Variants in COG7 observed in about 807,000 individuals in gnomAD.
COG7 encodes the protein conserved oligomeric Golgi complex subunit 7.
COG7 carries 49 observed loss-of-function variants against 91.5 expected under a neutral mutation model. The ratio of observed to expected loss-of-function variants is 0.54; its 90% confidence interval spans 0.43 to 0.68. The LOEUF (loss-of-function observed/expected upper bound fraction) is 0.68. COG7 is among the 30% of genes least tolerant of loss of function. The probability of loss-of-function intolerance (pLI) is 0.00; values close to 1 mark genes in which losing one functional copy is unlikely to be tolerated. For missense variants in COG7, 895 were observed against 961.3 expected (o/e 0.93, Z 0.91); for synonymous variants, 365 against 388.7 (o/e 0.94, Z 0.72).
chr16:23,429,641 G>A (rs571903820), intron 6 of COG7, among the ~76,000 whole-genome samples: 4 of 152,202 alleles, frequency 2.6e-5, no homozygotes, highest in African/African-American at 7.2e-5. Context: ...GTGTGTGCCC[G>A]TAATCCCAGC....
intron 4 of COG7, among the ~76,000 whole-genome samples, chr16:23,435,195 C>T (rs1325746695): frequency 4.6e-5 from 7 of 152,148 alleles, no homozygotes; most frequent in African/African-American, 9.7e-5. Context: ...AAAACCCCAT[C>T]TCTACTAAAA....
At chr16:23,399,211 G>A (rs7187919) in intron 13 of COG7, among the ~76,000 whole-genome samples, 12,507 of 152,130 alleles carry the variant, frequency 0.082, 920 homozygotes, top group African/African-American at 0.19. Flanking sequence ...GCTCTCTAGC[G>A]CCCACTTGAT....
chr16:23,449,269 A>G (rs1015277825), intron 1 of COG7, among the ~76,000 whole-genome samples: 20 of 151,964 alleles, frequency 1.3e-4, no homozygotes. Context: ...AGGCTGAGGC[A>G]GGAGAATGGT....
At chr16:23,401,468 A>G (rs1963375959) in intron 13 of COG7, among the ~76,000 whole-genome samples, 1 of 152,234 alleles carries the variant, frequency 6.6e-6, no homozygotes, top group African/African-American at 2.4e-5. Context: ...CCCTGTTTAA[A>G]TGTAGAACTA....
intron 4 of COG7, chr16:23,441,925 G>A (rs1037892895): frequency 6.5e-6 from 1 of 154,124 alleles, no homozygotes; most frequent in Non-Finnish European, 1.4e-5. Context: ...GACATTCTGC[G>A]GGAAAAGAAA....
chr16:23,434,343 T>C (rs1260734151), intron 5 of COG7, among the ~76,000 whole-genome samples: 3 of 152,110 alleles, frequency 2.0e-5, no homozygotes, highest in Non-Finnish European at 4.4e-5. Flanking sequence ...GCTTAAGACA[T>C]AAATCTCCCT....
At chr16:23,444,875 T>C (rs1596957308) in intron 3 of COG7, among the ~76,000 whole-genome samples, 173 bp downstream of exon 3, 2 of 152,106 alleles carry the variant, frequency 1.3e-5, no homozygotes, top group Non-Finnish European at 2.9e-5. Flanking sequence ...ACACAGAGGG[T>C]GCAAGCTAAA....
intron 14 of COG7, 148 bp downstream of exon 14, chr16:23,397,898 G>A: frequency 1.4e-6 from 1 of 697,046 alleles, no homozygotes; most frequent in African/African-American, 1.8e-5. Context: ...TTAAAGTCCA[G>A]GATCTGGGTG....
chr16:23,403,786 G>GC lies in COG7; in HGVS notation c.1710dup (p.Leu571AlafsTer5). Reference sequence around the variant, plus strand: ...TGGGCCTGCTGGTTAAGCCGAGTCAGCGCTGCTCGAGGTGCAGCCAGCAGG... The same window carrying GC: ...TGGGCCTGCTGGTTAAGCCGAGTCAGCCGCTGCTCGAGGTGCAGCCAGCAGG... On this transcript the variant is annotated frameshift_variant, in exon 13 of 17. Coordinates refer to ENST00000307149, the MANE Select transcript of COG7 (RefSeq NM_153603.4). LOFTEE classifies it high-confidence loss of function. 6.2e-7 allele frequency: 1 copy of GC among 1,614,242 alleles called. No individual in the cohort carries two copies. The highest frequency in any genetic ancestry group is 8.5e-7 in the Non-Finnish European group (1 of 1,180,034).
At chr16:23,393,897 C>T (rs1355944101) in intron 14 of COG7, among the ~76,000 whole-genome samples, 8 of 151,876 alleles carry the variant, frequency 5.3e-5, no homozygotes, top group Non-Finnish European at 8.8e-5. Context: ...AAAAATTAGC[C>T]GGGGATGGTG....
intron 5 of COG7, 118 bp downstream of exon 5, chr16:23,434,518 C>T: frequency 1.3e-6 from 1 of 798,898 alleles, no homozygotes; most frequent in South Asian, 1.5e-5. Flanking sequence ...AAGAGAAAAA[C>T]AGCCAGAGGG....
intron 10 of COG7, among the ~76,000 whole-genome samples, chr16:23,412,028 G>A (rs962140115): frequency 2.0e-5 from 3 of 151,906 alleles, no homozygotes; most frequent in Non-Finnish European, 2.9e-5. Flanking sequence ...TTACAGGCAC[G>A]TGCCACCATG....
intron 11 of COG7, among the ~76,000 whole-genome samples, chr16:23,407,419 T>A (rs1041341058): frequency 6.6e-6 from 1 of 152,202 alleles, no homozygotes; most frequent in African/African-American, 2.4e-5. Flanking sequence ...CTCGAAGTTC[T>A]ACTTAATCTG....
intron 3 of COG7, among the ~76,000 whole-genome samples, 178 bp from the exon 4 acceptor site, chr16:23,442,823 G>A (rs1404247985): frequency 2.0e-5 from 3 of 152,006 alleles, no homozygotes; most frequent in African/African-American, 7.2e-5. Flanking sequence ...ATCCCTTGAA[G>A]CCAGGAGTTC....
intron 11 of COG7, 24 bp from the exon 12 acceptor site, chr16:23,406,286 A>G (rs1963460653): frequency 1.9e-6 from 3 of 1,599,230 alleles, no homozygotes; most frequent in East Asian, 4.5e-5. Flanking sequence ...AATGACCATT[A>G]TGCCCTGAGC....
chr16:23,453,012 C>A lies in COG7; in HGVS notation c.-18G>T. 6.2e-7 allele frequency: 1 copy of A among 1,613,924 alleles called. No individual in the cohort carries two copies. The highest frequency in any genetic ancestry group is 2.2e-5 in the East Asian group (1 of 44,874). On this transcript the variant is annotated 5_prime_UTR_variant, in exon 1 of 17. Transcript: ENST00000307149. ...AAGTCCATGGCGGAACTGCCTCAGGCCTGGCGTCCAGAACTTAAGAGTTGG... is the reference window on the plus strand; with the variant it reads ...AAGTCCATGGCGGAACTGCCTCAGGACTGGCGTCCAGAACTTAAGAGTTGG...
At chr16:23,398,280 A>G in intron 13 of COG7, 151 bp from the exon 14 acceptor site, 2 of 689,266 alleles carry the variant, frequency 2.9e-6, no homozygotes, top group Non-Finnish European at 5.2e-6. Context: ...CTCAGCAGGC[A>G]GGGGCTTCTC....
At chr16:23,395,832 G>T (rs1006146260) in intron 14 of COG7, among the ~76,000 whole-genome samples, 1 of 152,222 alleles carries the variant, frequency 6.6e-6, no homozygotes, top group Non-Finnish European at 1.5e-5. Context: ...AAAATGAAAA[G>T]TTTTGAGGTC....
At chr16:23,392,699 G>T (rs1963219534) in intron 15 of COG7, among the ~76,000 whole-genome samples, 176 bp from the exon 16 acceptor site, 1 of 152,148 alleles carries the variant, frequency 6.6e-6, no homozygotes. Flanking sequence ...GGAGGATGAG[G>T]CAGGCGGATC....
Sources: allele counts gnomAD v4.1 joint callset (sites outside exome capture counted in the v4.1 genomes callset), GRCh38; gene constraint gnomAD v4.1.1; transcripts MANE v1.5; gene names NCBI Gene and HGNC (gene_info 2026-07-23, HGNC 2026-07-21).